The following PXDNL variants were observed in gnomAD, a reference collection of about 807,000 sequenced individuals.
PXDNL encodes the protein peroxidasin like.
Under a neutral mutation model 150.8 loss-of-function variants are expected in PXDNL, and 145 were observed. The ratio of observed to expected loss-of-function variants is 0.96; its 90% CI spans 0.84 to 1.10. PXDNL has a LOEUF of 1.10. Ranked by LOEUF, PXDNL falls within the 50% of genes least tolerant of loss-of-function variation. The pLI is 0.00. For missense variants in PXDNL, 2,087 were observed against 1,873.9 expected, an observed-to-expected ratio of 1.11 and a Z score of -2.10; for synonymous variants, 757 against 725.7, an observed-to-expected ratio of 1.04 and a Z score of -0.69.
At position 51,481,130 on chromosome 8, in the gene PXDNL, A is replaced by G. The variant is rs555087454; in HGVS notation, c.524+2513T>C. ...GACTTGGAGGGCTCAGAAGACAGGC[A>G]GATGTGGGAAAGCTTGGAACCTCCG... is the stretch of plus-strand genomic sequence containing the variant. On this transcript the variant is annotated intron_variant, in intron 6 of 22. Coordinates refer to ENST00000356297, the MANE Select transcript of PXDNL (RefSeq NM_144651.5). Among the ~76,000 whole-genome samples the G allele has an allele frequency of 4.9e-4, 74 of 152,330 alleles. No individual in the cohort carries two copies. In the South Asian group the frequency reaches 0.013, roughly 27 times the overall value.
chr8:51,666,129 T>G (rs1345647684), intron 1 of PXDNL, among the ~76,000 whole-genome samples: 1 of 152,228 alleles, frequency 6.6e-6, no homozygotes, highest in Non-Finnish European at 1.5e-5. Flanking sequence ...CTGGCCTACG[T>G]CACCTCTGAA....
chr8:51,426,862 A>G, intron 12 of PXDNL, 104 bp from the exon 13 acceptor site: 2 of 635,148 alleles, frequency 3.1e-6, no homozygotes, highest in Non-Finnish European at 5.4e-6. Context: ...TTGGTTAAGC[A>G]CACTAGTTTT....
At chr8:51,340,905 G>A (rs746474973) in intron 20 of PXDNL, among the ~76,000 whole-genome samples, 11 of 152,216 alleles carry the variant, frequency 7.2e-5, no homozygotes, top group Non-Finnish European at 1.3e-4. Context: ...GCTCTCTTCT[G>A]TAAATCTTCA....
chr8:51,577,999 G>GAAAGAAAGAAAGAGGAAGGA (rs1409948869), intron 3 of PXDNL, among the ~76,000 whole-genome samples: 1 of 31,548 alleles, frequency 3.2e-5, no homozygotes, highest in Non-Finnish European at 6.2e-5. Context: ...AAGAAAGAAA[G>GAAAGAAAGAAAGAGGAAGGA]AGGAAGGAAG....
At chr8:51,376,918 C>T (rs561039140) in intron 17 of PXDNL, among the ~76,000 whole-genome samples, 1 of 152,160 alleles carries the variant, frequency 6.6e-6, no homozygotes, top group African/African-American at 2.4e-5. Context: ...CGGGGTTTCA[C>T]CGTGTTAGCC....
Position 51,803,171 on chromosome 8 carries a change from T to A in PXDNL, c.164+6010A>T, listed in dbSNP as rs147237668. Reference sequence around the variant, plus strand: ...CTCACTGTGGGTTGGAGGCCTCCCATCTGTCCTGCTGGGTTCCCTGCCTCC... The same window carrying A: ...CTCACTGTGGGTTGGAGGCCTCCCAACTGTCCTGCTGGGTTCCCTGCCTCC... On this transcript the variant is annotated intron_variant, in intron 1 of 22. Transcript: ENST00000356297. Among the ~76,000 whole-genome samples, 815 of 152,302 alleles carry A rather than the reference T, an allele frequency of 5.4e-3. 24 individuals carry two copies. Among genetic ancestry groups the A allele is most frequent in the Admixed American group, 0.05 (770 of 15,302 alleles).
chr8:51,457,285 T>G (rs1809957746), intron 9 of PXDNL, among the ~76,000 whole-genome samples: 1 of 152,160 alleles, frequency 6.6e-6, no homozygotes, highest in African/African-American at 2.4e-5. Flanking sequence ...TAGAAAAGTC[T>G]TGGAACCACA....
Position 51,408,934 on chromosome 8 carries a change from G to A in PXDNL, c.2690C>T (p.Ser897Phe), listed in dbSNP as rs1481941235. The A allele has an allele frequency of 1.2e-6, 2 of 1,612,764 alleles. No homozygotes were observed. The highest frequency in any genetic ancestry group is 4.5e-5 in the East Asian group (2 of 44,866). Reference protein sequence around the residue: ...INQQTAYIDGSNVYGSSERES... With the variant: ...INQQTAYIDGFNVYGSSERES... Reference sequence around the variant, plus strand: ...CCGCTCCGAGCTCCCGTAAACGTTGGAGCCATCGATGTAGGCTGTTTGCTG... The same window carrying A: ...CCGCTCCGAGCTCCCGTAAACGTTGAAGCCATCGATGTAGGCTGTTTGCTG... Residue 897 changes from serine (S) to phenylalanine (F), a missense_variant, in exon 17 of 23, where the codon TCC becomes TTC. Ser to Phe is a radical substitution (Grantham distance 155). Coordinates refer to ENST00000356297, the MANE Select transcript of PXDNL (RefSeq NM_144651.5).
intron 2 of PXDNL, among the ~76,000 whole-genome samples, chr8:51,621,943 CAAAAAAA>C (rs71237221): frequency 0.39 from 50,229 of 128,412 alleles, 9,654 homozygotes; most frequent in African/African-American, 0.58. Context: ...GACCCTGTCT[CAAAAAAA>C]AAAAAAAAAA....
At chr8:51,395,776 G>C (rs188933210) in intron 17 of PXDNL, among the ~76,000 whole-genome samples, 69 of 152,264 alleles carry the variant, frequency 4.5e-4, no homozygotes, top group Middle Eastern at 3.4e-3. Context: ...GCTTGCTTTT[G>C]TTTTGGCAGA....
At chr8:51,749,225 G>T (rs1344111382) in intron 1 of PXDNL, among the ~76,000 whole-genome samples, 1 of 152,166 alleles carries the variant, frequency 6.6e-6, no homozygotes, top group African/African-American at 2.4e-5. Flanking sequence ...TACATCCTAC[G>T]ACACTCTCGG....
chr8:51,650,396 T>C (rs1385416581), intron 2 of PXDNL, among the ~76,000 whole-genome samples: 2 of 152,190 alleles, frequency 1.3e-5, no homozygotes, highest in Admixed American at 6.5e-5. Flanking sequence ...TGATCGAGTA[T>C]AAAAGTTTGA....
At chr8:51,592,533 A>G in intron 3 of PXDNL, 94 bp downstream of exon 3, 1 of 752,408 alleles carries the variant, frequency 1.3e-6, no homozygotes, top group Non-Finnish European at 2.2e-6. Flanking sequence ...TCACGAAGGT[A>G]AAGAATTATT....
intron 1 of PXDNL, among the ~76,000 whole-genome samples, chr8:51,693,573 G>C (rs1816048287): frequency 1.3e-5 from 2 of 152,156 alleles, no homozygotes; most frequent in South Asian, 4.1e-4. Flanking sequence ...AGGAGTTTGA[G>C]ACCAGCCTGG....
chr8:51,776,055 G>A lies in PXDNL; in HGVS notation c.164+33126C>T, dbSNP rs139753004. ...TTGTGTAAGGAACGAAATAAGCCCC[G>A]GTCTCCTGTAGCGCTCCCAGGCTTA... On this transcript the variant is annotated intron_variant, in intron 1 of 22. Transcript: ENST00000356297. Among the ~76,000 whole-genome samples, 64 of 152,230 alleles carry A rather than the reference G, an allele frequency of 4.2e-4. 1 individual carries two copies. In the East Asian group the frequency reaches 7.7e-3, roughly 18 times the overall value.
At chr8:51,436,177 C>T (rs1345050941) in intron 12 of PXDNL, 3 of 520,374 alleles carry the variant, frequency 5.8e-6, no homozygotes, top group Non-Finnish European at 1.2e-5. Context: ...CTTTAGTACA[C>T]CGTGGTATCA....
At chr8:51,669,862 A>C (rs1455947755) in intron 1 of PXDNL, among the ~76,000 whole-genome samples, 1 of 152,212 alleles carries the variant, frequency 6.6e-6, no homozygotes, top group African/African-American at 2.4e-5. Flanking sequence ...TGAATACCTT[A>C]AGAATATAAA....
intron 4 of PXDNL, among the ~76,000 whole-genome samples, chr8:51,508,813 T>C (rs886387591): frequency 2.0e-5 from 3 of 152,336 alleles, no homozygotes; most frequent in Middle Eastern, 3.4e-3. Context: ...AAATCTGCAG[T>C]CCTGATTAGT....
intron 1 of PXDNL, among the ~76,000 whole-genome samples, chr8:51,794,873 A>G (rs997858811): frequency 2.6e-5 from 4 of 152,236 alleles, no homozygotes; most frequent in African/African-American, 7.2e-5. Context: ...GGCAAGCTGA[A>G]TTAAGTCAAG....
Sources: gnomAD v4.1 joint callset for allele counts (sites outside exome capture counted in the v4.1 genomes callset) on GRCh38, gnomAD v4.1.1 for gene constraint, MANE v1.5 for transcripts, NCBI Gene and HGNC (gene_info 2026-07-23, HGNC 2026-07-21) for gene names.